EFNA3: variants seen among roughly 807,000 people sequenced by gnomAD.
EFNA3 encodes ephrin A3.
A neutral mutation model predicts 25.0 loss-of-function variants in EFNA3; 15 were observed. That is an observed-to-expected ratio of 0.60 (90% CI 0.40 to 0.92). The LOEUF (loss-of-function observed/expected upper bound fraction) is 0.92. EFNA3 is among the 40% of genes least tolerant of loss of function. The probability of loss-of-function intolerance (pLI) is 0.00; values close to 1 mark genes in which losing one functional copy is unlikely to be tolerated. For synonymous variants in EFNA3, 153 were observed against 145.6 expected (o/e 1.05, Z -0.37); for missense variants, 298 against 323.8 (o/e 0.92, Z 0.61).
In EFNA3 at chr1:155,080,519, C is replaced by A. The variant is rs1418784271; in HGVS notation, c.128+1450C>A. On this transcript the variant is annotated intron_variant, in intron 1 of 4. Coordinates refer to ENST00000368408, the MANE Select transcript of EFNA3 (RefSeq NM_004952.5). The surrounding 1 kb of genome is among the most constrained non-coding windows in gnomAD (Gnocchi z 7.0). ...CCAGCTCTATCTAGCTCAGCCCCCT[C>A]CCCCAGACTCACACGTCCGCCCCCC... Among the ~76,000 whole-genome samples the A allele has an allele frequency of 6.6e-6, 1 of 152,118 alleles. No individual in the cohort carries two copies.
chr1:155,081,490 T>G lies in EFNA3; in HGVS notation c.128+2421T>G, dbSNP rs1663342528. The stretch of plus-strand genomic sequence containing the variant: ...TCGGGAACATCTTTCTATATAGCTG[T>G]CTCTCGACCTATCTCTGAAATGCTT... On this transcript the variant is annotated intron_variant, in intron 1 of 4. Coordinates refer to ENST00000368408, the MANE Select transcript of EFNA3 (RefSeq NM_004952.5). The surrounding 1 kb of genome is among the most constrained non-coding windows in gnomAD (Gnocchi z 5.2). Among the ~76,000 whole-genome samples the G allele has an allele frequency of 6.6e-6, 1 of 152,242 alleles. No individual in the cohort carries two copies. Among genetic ancestry groups the G allele is most frequent in the Non-Finnish European group, 1.5e-5 (1 of 68,044 alleles).
chr1:155,085,950 G>T lies in EFNA3; in HGVS notation c.508+8G>T. On this transcript the variant is annotated splice_region_variant and intron_variant, in intron 3 of 4. Coordinates refer to ENST00000368408, the MANE Select transcript of EFNA3 (RefSeq NM_004952.5). The surrounding 1 kb of genome is among the most constrained non-coding windows in gnomAD (Gnocchi z 4.4). ...TCGTCTGCTGCGCCTCCAGTGAGTA[G>T]AATAGGCTCCGAGCCGCGCCCCCAT... is the stretch of plus-strand genomic sequence containing the variant. 6.2e-7 allele frequency: 1 copy of T among 1,606,952 alleles called. No individual in the cohort carries two copies. Among genetic ancestry groups the T allele is most frequent in the Non-Finnish European group, 8.5e-7 (1 of 1,176,942 alleles).
chr1:155,084,917 A>G (rs962736910), intron 1 of EFNA3, among the ~76,000 whole-genome samples, 174 bp from the exon 2 acceptor site: 3 of 152,210 alleles, frequency 2.0e-5, no homozygotes, highest in African/African-American at 7.2e-5. Context: ...AAGGAGACTT[A>G]GGGGAGCGGC....
rs572052835 is a variant in EFNA3 at position 155,081,714 on chromosome 1, C to T, written c.128+2645C>T. Among the ~76,000 whole-genome samples, 3 of 152,226 alleles carry T rather than the reference C, an allele frequency of 2.0e-5. No individual in the cohort carries two copies. The highest frequency in any genetic ancestry group is 7.2e-5 in the African/African-American group (3 of 41,534). The stretch of plus-strand genomic sequence containing the variant: ...GTGGGCCTCTCTGGCCTGCCTGTCT[C>T]TCCTGTTCTCCAAGACTCTCGGTTC... On this transcript the variant is annotated intron_variant, in intron 1 of 4. Transcript: ENST00000368408. This position sits in a 1 kb window ranked among gnomAD's most constrained non-coding sequence, Gnocchi z 5.2.
chr1:155,082,745 C>G (rs1353747377), intron 1 of EFNA3, among the ~76,000 whole-genome samples: 1 of 152,212 alleles, frequency 6.6e-6, no homozygotes, highest in Non-Finnish European at 1.5e-5. Flanking sequence ...CACCCTTCCG[C>G]AGGAGGCGCG....
chr1:155,085,227 T>C lies in EFNA3; in HGVS notation c.265T>C (p.Tyr89His), dbSNP rs1243528418. 8 of 1,612,628 alleles carry C rather than the reference T, an allele frequency of 5.0e-6. No homozygotes were observed. Among genetic ancestry groups the C allele is most frequent in the Non-Finnish European group, 5.9e-6 (7 of 1,179,752 alleles). ...PGGGAEQYVL[Y>H]MVSRNGYRTC... The stretch of plus-strand genomic sequence containing the variant: ...AGGCGGGGCAGAGCAGTACGTGCTG[T>C]ACATGGTGAGCCGCAACGGCTACCG... Residue 89 changes from tyrosine (Y) to histidine (H), a missense_variant, in exon 2 of 5, where the codon TAC becomes CAC. Tyr to His is a moderately conservative substitution (Grantham distance 83, BLOSUM62 2). Coordinates refer to ENST00000368408, the MANE Select transcript of EFNA3 (RefSeq NM_004952.5). The surrounding 1 kb of genome is among the most constrained non-coding windows in gnomAD (Gnocchi z 4.4).
chr1:155,085,527 C>A lies in EFNA3; in HGVS notation c.442+123C>A, dbSNP rs1663437536. ...GGGCGCCAGGTCTCGCGGCTGAGAC[C>A]AGGGAGGAGGCGTGGGCACGGGACG... On this transcript the variant is annotated intron_variant, in intron 2 of 4. Transcript: ENST00000368408. This position sits in a 1 kb window ranked among gnomAD's most constrained non-coding sequence, Gnocchi z 4.4. 4 of 1,245,660 alleles carry A rather than the reference C, an allele frequency of 3.2e-6. No individual in the cohort carries two copies. The highest frequency in any genetic ancestry group is 1.6e-5 in the South Asian group (1 of 63,376). 77.2% of individuals were successfully genotyped at this position (1,245,660 alleles called of 1,614,324 possible).
chr1:155,080,990 C>A lies in EFNA3; in HGVS notation c.128+1921C>A, dbSNP rs1663332209. Among the ~76,000 whole-genome samples, 1 of 152,028 alleles carries A rather than the reference C, an allele frequency of 6.6e-6. No individual in the cohort carries two copies. The highest frequency in any genetic ancestry group is 1.5e-5 in the Non-Finnish European group (1 of 67,964). Reference sequence around the variant, plus strand: ...ATGGAGAGGGCCGGGGAGCTGGGGGCGGGGCCGACCGAGCCACAGGCTCCC... The same window carrying A: ...ATGGAGAGGGCCGGGGAGCTGGGGGAGGGGCCGACCGAGCCACAGGCTCCC... On this transcript the variant is annotated intron_variant, in intron 1 of 4. Coordinates refer to ENST00000368408, the MANE Select transcript of EFNA3 (RefSeq NM_004952.5). The surrounding 1 kb of genome is among the most constrained non-coding windows in gnomAD (Gnocchi z 7.0).
At position 155,086,566 on chromosome 1, in the gene EFNA3, G is replaced by A. The variant is rs746221819; in HGVS notation, c.*23G>A. 4.3e-6 allele frequency: 7 copies of A among 1,612,190 alleles called. No homozygotes were observed. In the South Asian group the frequency reaches 4.4e-5, roughly 10 times the overall value. On this transcript the variant is annotated 3_prime_UTR_variant, in exon 5 of 5. Coordinates refer to ENST00000368408, the MANE Select transcript of EFNA3 (RefSeq NM_004952.5). ...TAGCTCTGCCCCCTCCCCTGGGGGG[G>A]GAGAGATGGGGCGGGGCTTGGAAGG...
At position 155,085,832 on chromosome 1, in the gene EFNA3, G is replaced by A; in HGVS notation, c.443-45G>A. 6.2e-7 allele frequency: 1 copy of A among 1,606,766 alleles called. No individual in the cohort carries two copies. The highest frequency in any genetic ancestry group is 8.5e-7 in the Non-Finnish European group (1 of 1,176,114). ...AATAGAGCCGTCGAGGGAGGGCACA[G>A]GCACACATTGGGCGAAAGTGACTCA... On this transcript the variant is annotated intron_variant, in intron 2 of 4. Coordinates refer to ENST00000368408, the MANE Select transcript of EFNA3 (RefSeq NM_004952.5). This position sits in a 1 kb window ranked among gnomAD's most constrained non-coding sequence, Gnocchi z 4.4.
In EFNA3 at chr1:155,086,113, C is replaced by CCCCCCCCCCCCCCCCCAA; in HGVS notation, c.509-15_509-14insCCCCCCCCCCCCCCCCAA. The CCCCCCCCCCCCCCCCCAA allele has an allele frequency of 6.4e-7, 1 of 1,574,394 alleles. No individual in the cohort carries two copies. Among genetic ancestry groups the CCCCCCCCCCCCCCCCCAA allele is most frequent in the Non-Finnish European group, 8.7e-7 (1 of 1,145,598 alleles). On this transcript the variant is annotated splice_polypyrimidine_tract_variant and intron_variant, in intron 3 of 4. Coordinates refer to ENST00000368408, the MANE Select transcript of EFNA3 (RefSeq NM_004952.5). The stretch of plus-strand genomic sequence containing the variant: ...CTCTCCCCTCCTCTCTCCCCACCCG[C>CCCCCCCCCCCCCCCCCAA]ACCCCACCCCGCAGCATCGCACTCC...
intron 1 of EFNA3, among the ~76,000 whole-genome samples, chr1:155,082,719 G>A (rs942476418): frequency 1.3e-5 from 2 of 152,332 alleles, no homozygotes; most frequent in South Asian, 2.1e-4. Flanking sequence ...CCGGTCCCCA[G>A]GTCCCAGCCC....
At position 155,080,582 on chromosome 1, in the gene EFNA3, G is replaced by T. The variant is rs552114986; in HGVS notation, c.128+1513G>T. On this transcript the variant is annotated intron_variant, in intron 1 of 4. Transcript: ENST00000368408. The surrounding 1 kb of genome is among the most constrained non-coding windows in gnomAD (Gnocchi z 7.0). The stretch of plus-strand genomic sequence containing the variant: ...TCTGGCGGGGAACGGAGAGCTCGCA[G>T]GTGAGGGGCCCCGGGTTCCCCGCCA... Among the ~76,000 whole-genome samples, 263 of 152,276 alleles carry T rather than the reference G, an allele frequency of 1.7e-3. 2 individuals carry two copies. The highest frequency in any genetic ancestry group is 6.2e-3 in the African/African-American group (258 of 41,576).
Position 155,081,259 on chromosome 1 carries a change from C to T in EFNA3, c.128+2190C>T, listed in dbSNP as rs1663338154. ...CCCGTGGAACAGGAGAGACCTGTTC[C>T]CAATCTGGCCCAGAAACTAGGGATG... On this transcript the variant is annotated intron_variant, in intron 1 of 4. Coordinates refer to ENST00000368408, the MANE Select transcript of EFNA3 (RefSeq NM_004952.5). This position sits in a 1 kb window ranked among gnomAD's most constrained non-coding sequence, Gnocchi z 5.2. 6.6e-6 allele frequency among the ~76,000 whole-genome samples: 1 copy of T among 152,228 alleles called. No homozygotes were observed. The highest frequency in any genetic ancestry group is 1.5e-5 in the Non-Finnish European group (1 of 68,026).
At position 155,079,768 on chromosome 1, in the gene EFNA3, C is replaced by A. The variant is rs1663305349; in HGVS notation, c.128+699C>A. On this transcript the variant is annotated intron_variant, in intron 1 of 4. Transcript: ENST00000368408. This position sits in a 1 kb window ranked among gnomAD's most constrained non-coding sequence, Gnocchi z 7.7. The stretch of plus-strand genomic sequence containing the variant: ...GCGAATGGCTCCAAGTGTGAGCGGG[C>A]GTGCGCGGCTGTCAGTGTGCGTGTG... 6.6e-6 allele frequency among the ~76,000 whole-genome samples: 1 copy of A among 151,974 alleles called. No individual in the cohort carries two copies. Among genetic ancestry groups the A allele is most frequent in the Non-Finnish European group, 1.5e-5 (1 of 67,982 alleles).
chr1:155,087,263 C>G lies in EFNA3; in HGVS notation c.*720C>G, dbSNP rs143153278. ...CTTCCCCTTCAGCTTCAGACCCCTT[C>G]CCCACCAGGCTAGGCCCCCCACACC... On this transcript the variant is annotated 3_prime_UTR_variant, in exon 5 of 5. Transcript: ENST00000368408. 3 of 152,964 alleles carry G rather than the reference C, an allele frequency of 2.0e-5. No homozygotes were observed. The highest frequency in any genetic ancestry group is 7.2e-5 in the African/African-American group (3 of 41,516). The allele number at this position is 152,964 out of a possible 1,614,324, so 9.5% of individuals were successfully genotyped here.
At position 155,086,676 on chromosome 1, in the gene EFNA3, C is replaced by T. The variant is rs1663471657; in HGVS notation, c.*133C>T. ...GGCTAGAAGTGGGGCCTGCACCATA[C>T]ATCTGTGTCCGCCCCCTCTACCCCT... On this transcript the variant is annotated 3_prime_UTR_variant, in exon 5 of 5. Transcript: ENST00000368408. 2 of 1,153,296 alleles carry T rather than the reference C, an allele frequency of 1.7e-6. No homozygotes were observed. 71.4% of individuals were successfully genotyped at this position (1,153,296 alleles called of 1,614,324 possible). A position where few individuals can be genotyped will look rare whatever the true frequency, so the allele number is the denominator to read the frequency against.
In EFNA3 at chr1:155,080,335, C is replaced by T. The variant is rs750083977; in HGVS notation, c.128+1266C>T. Among the ~76,000 whole-genome samples the T allele has an allele frequency of 6.6e-6, 1 of 152,160 alleles. No individual in the cohort carries two copies. The highest frequency in any genetic ancestry group is 2.4e-5 in the African/African-American group (1 of 41,448). On this transcript the variant is annotated intron_variant, in intron 1 of 4. Coordinates refer to ENST00000368408, the MANE Select transcript of EFNA3 (RefSeq NM_004952.5). This position sits in a 1 kb window ranked among gnomAD's most constrained non-coding sequence, Gnocchi z 7.0. ...TGTTGTTTGGGGCTCCGCGCCTCCC[C>T]CTCTCTCCCTCCTCGCGCCCGGAGT...
chr1:155,079,166 T>G lies in EFNA3; in HGVS notation c.128+97T>G. On this transcript the variant is annotated intron_variant, in intron 1 of 4. Coordinates refer to ENST00000368408, the MANE Select transcript of EFNA3 (RefSeq NM_004952.5). This position sits in a 1 kb window ranked among gnomAD's most constrained non-coding sequence, Gnocchi z 7.7. ...CTGGGGGATCCCGGGGTGGGAGTCC[T>G]GGGAGACCAGAGCTGGGGGCTGGGA... 5 of 1,145,904 alleles carry G rather than the reference T, an allele frequency of 4.4e-6. No individual in the cohort carries two copies. Among genetic ancestry groups the G allele is most frequent in the Non-Finnish European group, 4.4e-6 (4 of 913,244 alleles). The allele number at this position is 1,145,904 out of a possible 1,614,324, so 71.0% of individuals were successfully genotyped here.
Sources: allele counts gnomAD v4.1 joint callset (sites outside exome capture counted in the v4.1 genomes callset), GRCh38; gene constraint gnomAD v4.1.1; non-coding constraint Gnocchi (gnomAD v3.1); transcripts MANE v1.5; gene names NCBI Gene and HGNC (gene_info 2026-07-23, HGNC 2026-07-21).